The following NSD2 variants were observed in gnomAD, a reference collection of about 807,000 sequenced individuals.
The protein encoded by NSD2 is histone-lysine N-methyltransferase NSD2.
Under a neutral mutation model 139.0 loss-of-function variants are expected in NSD2, and 12 were observed. The observed-to-expected ratio is 0.09, with a 90% CI of 0.06 to 0.14. The LOEUF is 0.14. NSD2 is among the 10% of genes least tolerant of loss of function. The pLI, the probability that NSD2 is intolerant of heterozygous loss-of-function variation, is 1.00. For missense variants in NSD2, 1,155 were observed against 1,745.0 expected (o/e 0.66, Z 6.02); for synonymous variants, 669 against 648.7 (o/e 1.03, Z -0.48).
intron 5 of NSD2, among the ~76,000 whole-genome samples, chr4:1,924,931 A>G (rs1205454578): frequency 6.6e-6 from 1 of 152,170 alleles, no homozygotes; most frequent in African/African-American, 2.4e-5. Context: ...TGTCAAAGCA[A>G]AAACTACAAA....
intron 1 of NSD2, among the ~76,000 whole-genome samples, chr4:1,886,712 C>T (rs559466917): frequency 6.6e-6 from 1 of 152,082 alleles, no homozygotes; most frequent in Non-Finnish European, 1.5e-5. Context: ...GTGGCGTGCA[C>T]CTGTAGTCCC....
At chr4:1,953,109 A>T in intron 11 of NSD2, 2 of 1,519,954 alleles carry the variant, frequency 1.3e-6, no homozygotes, top group Admixed American at 4.2e-5. Flanking sequence ...TTTCAGGTGA[A>T]GCTGGAGCTC....
chr4:1,920,486 T>TA (rs761346227), intron 5 of NSD2, among the ~76,000 whole-genome samples: 1 of 152,198 alleles, frequency 6.6e-6, no homozygotes, highest in Non-Finnish European at 1.5e-5. Flanking sequence ...TATTGTGACT[T>TA]ACTGTGTAAT....
chr4:1,961,291 T>A (rs1324180715), intron 18 of NSD2, 140 bp downstream of exon 18: 4 of 704,668 alleles, frequency 5.7e-6, no homozygotes, highest in Non-Finnish European at 9.4e-6. Context: ...CTGCACATTT[T>A]CTTCTGAGGT....
chr4:1,879,869 A>T (rs1169671223), intron 1 of NSD2, among the ~76,000 whole-genome samples: 2 of 146,592 alleles, frequency 1.4e-5, no homozygotes, highest in African/African-American at 5.2e-5. Context: ...TTTTCTCCCA[A>T]GTTTGTCATG....
intron 5 of NSD2, among the ~76,000 whole-genome samples, chr4:1,921,272 A>G (rs1203917121): frequency 1.3e-5 from 2 of 152,164 alleles, no homozygotes; most frequent in African/African-American, 4.8e-5. Context: ...AGCCTGGCCA[A>G]CATGGTGAAA....
In NSD2 at chr4:1,930,452, G is replaced by A. The variant is rs575857137; in HGVS notation, c.1411-174G>A. ...ATTTATGAGTTTTCATTGAGTCACA[G>A]CATCAGTTAAGCACTACTTTTCTTT... On this transcript the variant is annotated intron_variant, in intron 5 of 21. Coordinates refer to ENST00000508803, the MANE Select transcript of NSD2 (RefSeq NM_001042424.3). 4.6e-5 allele frequency among the ~76,000 whole-genome samples: 7 copies of A among 152,320 alleles called. No homozygotes were observed. The East Asian group carries it at 9.6e-4, about 21-fold the overall frequency.
At chr4:1,873,151 A>C (rs1713994101) in intron 1 of NSD2, among the ~76,000 whole-genome samples, 1 of 152,074 alleles carries the variant, frequency 6.6e-6, no homozygotes, top group African/African-American at 2.4e-5. Flanking sequence ...AGCAACCTTC[A>C]GTTTTGGGCT....
intron 1 of NSD2, among the ~76,000 whole-genome samples, chr4:1,891,358 C>G (rs569876650): frequency 6.6e-6 from 1 of 152,160 alleles, no homozygotes; most frequent in Non-Finnish European, 1.5e-5. Context: ...CAGTCTTTTC[C>G]GCCCCCGGAG....
At chr4:1,895,702 G>A (rs545908823) in intron 1 of NSD2, among the ~76,000 whole-genome samples, 1 of 152,300 alleles carries the variant, frequency 6.6e-6, no homozygotes, top group South Asian at 2.1e-4. Context: ...GGCTCTCCCG[G>A]GGAGAGGGGG....
chr4:1,878,252 T>TATATATATATA (rs869142339), intron 1 of NSD2, among the ~76,000 whole-genome samples: 23 of 27,572 alleles, frequency 8.3e-4, no homozygotes, highest in Admixed American at 3.5e-3. Flanking sequence ...TATATATATA[T>TATATATATATA]TTTTTTTTTT....
At chr4:1,904,455 C>G in intron 3 of NSD2, 77 bp downstream of exon 3, 1 of 1,475,822 alleles carries the variant, frequency 6.8e-7, no homozygotes, top group Non-Finnish European at 9.2e-7. Flanking sequence ...TTCTTTCTTA[C>G]TCTTTCTAAA....
intron 10 of NSD2, among the ~76,000 whole-genome samples, chr4:1,951,841 A>G (rs1724300642): frequency 6.6e-6 from 1 of 152,180 alleles, no homozygotes; most frequent in African/African-American, 2.4e-5. Context: ...AATATCTTGG[A>G]TGTATCCTTC....
intron 1 of NSD2, among the ~76,000 whole-genome samples, chr4:1,896,500 C>G (rs1716326800): frequency 6.6e-6 from 1 of 152,246 alleles, no homozygotes; most frequent in African/African-American, 2.4e-5. Flanking sequence ...TCCCGGGTAG[C>G]TGGGACTGTA....
intron 1 of NSD2, among the ~76,000 whole-genome samples, chr4:1,872,902 G>A (rs938509365): frequency 6.6e-6 from 1 of 152,144 alleles, no homozygotes; most frequent in South Asian, 2.1e-4. Flanking sequence ...CCCTAGTTAC[G>A]TATTTAAATG....
chr4:1,889,159 A>C (rs1008257167), intron 1 of NSD2, among the ~76,000 whole-genome samples: 2 of 151,902 alleles, frequency 1.3e-5, no homozygotes, highest in Non-Finnish European at 2.9e-5. Flanking sequence ...TGGCCTCCCA[A>C]AGTGCTGGGA....
intron 1 of NSD2, among the ~76,000 whole-genome samples, chr4:1,888,666 G>C (rs927807980): frequency 5.1e-4 from 78 of 152,018 alleles, no homozygotes; most frequent in African/African-American, 1.8e-3. Flanking sequence ...CAGGGTTCAA[G>C]CGATTTTCCT....
chr4:1,952,588 G>A (rs1365650487), intron 11 of NSD2, among the ~76,000 whole-genome samples: 1 of 152,228 alleles, frequency 6.6e-6, no homozygotes, highest in Non-Finnish European at 1.5e-5. Context: ...AGCATTAAGG[G>A]TACAGGTAAC....
At chr4:1,932,574 C>T (rs558561464) in intron 6 of NSD2, among the ~76,000 whole-genome samples, 1 of 151,762 alleles carries the variant, frequency 6.6e-6, no homozygotes, top group South Asian at 2.1e-4. Context: ...TGGAGAAACC[C>T]CATCTCTACT....
Sources: allele counts gnomAD v4.1 joint callset (sites outside exome capture counted in the v4.1 genomes callset), GRCh38; gene constraint gnomAD v4.1.1; transcripts MANE v1.5; gene names NCBI Gene and HGNC (gene_info 2026-07-23, HGNC 2026-07-21).